SLC2A14: variants seen among roughly 807,000 people sequenced by gnomAD.
SLC2A14 encodes the protein solute carrier family 2, facilitated glucose transporter member 14.
In SLC2A14, 13 loss-of-function variants were observed where a neutral mutation model predicts 43.0. The observed-to-expected ratio is 0.30, with a 90% CI of 0.20 to 0.48. The LOEUF is 0.48. Among genes scored for constraint, SLC2A14 ranks in the 20% least tolerant of loss-of-function variants. The probability of loss-of-function intolerance (pLI) is 0.99; values close to 1 mark genes in which losing one functional copy is unlikely to be tolerated. For synonymous variants in SLC2A14, 190 were observed against 233.8 expected (o/e 0.81, Z 1.71); for missense variants, 428 against 620.4 (o/e 0.69, Z 3.29).
chr12:7,887,558 CAGATAGATAGATAGATAGATAGATAGAT>C (rs58618647), intron 1 of SLC2A14, among the ~76,000 whole-genome samples: 2 of 148,424 alleles, frequency 1.3e-5, no homozygotes, highest in Admixed American at 6.9e-5. Context: ...GTAGATAAAT[CAGATAGATAGATAGATAGATAGATAGAT>C]AGATAGATAG....
At position 7,832,709 on chromosome 12, in the gene SLC2A14, G is replaced by C. The variant is rs762951842; in HGVS notation, c.111+13C>G. 1.5e-5 allele frequency: 24 copies of C among 1,611,760 alleles called. No homozygotes were observed. The Admixed American group carries it at 3.2e-4, about 21-fold the overall frequency. On this transcript the variant is annotated intron_variant, in intron 3 of 10. Coordinates refer to ENST00000431042, the MANE Select transcript of SLC2A14 (RefSeq NM_001286234.2). ...CCTATTCCAGATTCTAATTCTTGTG[G>C]CCTGGCACTCACCGTCTCAGGAGCA...
intron 2 of SLC2A14, 106 bp from the exon 3 acceptor site, chr12:7,832,920 T>A (rs1234136026): frequency 9.0e-7 from 1 of 1,109,494 alleles, no homozygotes; most frequent in Non-Finnish European, 1.3e-6. Flanking sequence ...GACCTATGAG[T>A]GGTATGAAAA....
At chr12:7,869,006 TG>T (rs1198196918) in intron 2 of SLC2A14, among the ~76,000 whole-genome samples, 1 of 151,814 alleles carries the variant, frequency 6.6e-6, no homozygotes, top group Non-Finnish European at 1.5e-5. Context: ...TAGCCGGGCA[TG>T]GTGGCTCATG....
intron 1 of SLC2A14, among the ~76,000 whole-genome samples, chr12:7,885,485 ACT>A (rs1200476434): frequency 6.6e-6 from 1 of 151,640 alleles, no homozygotes; most frequent in Non-Finnish European, 1.5e-5. Flanking sequence ...AGTTCTTGTA[ACT>A]CTCCAATTTT....
intron 2 of SLC2A14, among the ~76,000 whole-genome samples, chr12:7,838,741 G>A (rs1341516913): frequency 1.3e-5 from 2 of 152,154 alleles, no homozygotes; most frequent in Non-Finnish European, 2.9e-5. Context: ...CATTTTGGGG[G>A]GCCAGAGGGC....
intron 2 of SLC2A14, among the ~76,000 whole-genome samples, chr12:7,853,429 CAAAA>C (rs35414391): frequency 3.5e-5 from 3 of 84,618 alleles, no homozygotes; most frequent in East Asian, 3.1e-4. Context: ...GACTCCATTT[CAAAA>C]AAAAAAAAAA....
At chr12:7,841,801 T>C (rs933888106) in intron 2 of SLC2A14, among the ~76,000 whole-genome samples, 2 of 151,548 alleles carry the variant, frequency 1.3e-5, no homozygotes, top group African/African-American at 2.4e-5. Flanking sequence ...AGGTCAGGAG[T>C]TCGACACCAG....
chr12:7,839,854 G>A (rs1005108442), intron 2 of SLC2A14: 9 of 445,896 alleles, frequency 2.0e-5, no homozygotes, highest in Middle Eastern at 6.3e-4. Context: ...CGGGAGGATC[G>A]CTTGAGTCCA....
upstream of SLC2A14, chr12:7,873,323 G>T (rs1226407540): frequency 1.0e-6 from 1 of 985,438 alleles, no homozygotes; most frequent in Non-Finnish European, 1.2e-6. Context: ...GCTGGGCTGG[G>T]AAGGCCCAGG....
chr12:7,859,559 G>A (rs1944433266), intron 2 of SLC2A14, among the ~76,000 whole-genome samples: 1 of 152,116 alleles, frequency 6.6e-6, no homozygotes, highest in South Asian at 2.1e-4. Context: ...AAGATGATTG[G>A]AAATGAGTGG....
At chr12:7,855,147 C>T (rs1383067401) in intron 2 of SLC2A14, among the ~76,000 whole-genome samples, 2 of 151,994 alleles carry the variant, frequency 1.3e-5, no homozygotes, top group African/African-American at 4.8e-5. Context: ...AATCAATGAG[C>T]ATCATCTGTC....
At chr12:7,855,713 C>G (rs945047453) in intron 2 of SLC2A14, among the ~76,000 whole-genome samples, 4 of 152,068 alleles carry the variant, frequency 2.6e-5, no homozygotes, top group African/African-American at 9.7e-5. Flanking sequence ...CTTCAGCTCA[C>G]TGCAACCTCC....
chr12:7,859,115 G>A (rs1036712446), intron 2 of SLC2A14, among the ~76,000 whole-genome samples: 3 of 152,092 alleles, frequency 2.0e-5, no homozygotes, highest in East Asian at 1.9e-4. Flanking sequence ...CAGGCTGGGC[G>A]TGATGGCTGG....
intron 1 of SLC2A14, among the ~76,000 whole-genome samples, chr12:7,887,609 ATAGT>A (rs879482041): frequency 2.3e-3 from 272 of 116,216 alleles, no homozygotes; most frequent in East Asian, 7.7e-3. Flanking sequence ...AGATAGATAG[ATAGT>A]TAGATAGATA....
Position 7,837,685 on chromosome 12 carries a change from CTT to C in SLC2A14, c.19-4873_19-4872del, listed in dbSNP as rs57484495. 3.0e-3 allele frequency among the ~76,000 whole-genome samples: 340 copies of C among 112,452 alleles called. 1 individual carries two copies. The highest frequency in any genetic ancestry group is 7.1e-3 in the African/African-American group (209 of 29,630). The allele number at this position is 112,452 out of a possible 152,430, so 73.8% of individuals were successfully genotyped here. A position where few individuals can be genotyped will look rare whatever the true frequency, so the allele number is the denominator to read the frequency against. ...GGTTCACATGGTAACCATTTTTCTT[CTT>C]TTTTTTTTTTTGAGATGAAGTCTCA... On this transcript the variant is annotated intron_variant, in intron 2 of 10. Transcript: ENST00000431042.
At chr12:7,814,673 G>A in intron 10 of SLC2A14, 139 bp from the exon 11 acceptor site, 2 of 955,324 alleles carry the variant, frequency 2.1e-6, no homozygotes, top group African/African-American at 1.6e-5. Context: ...GGTTTCTTCA[G>A]AGATTTACTT....
intron 2 of SLC2A14, among the ~76,000 whole-genome samples, chr12:7,862,924 C>G (rs2110092): frequency 0.27 from 40,974 of 151,892 alleles, 5,999 homozygotes; most frequent in Middle Eastern, 0.35. Flanking sequence ...ACCAATCAGC[C>G]CCCTGACAAA....
chr12:7,888,689 T>C (rs1345568519), intron 1 of SLC2A14, among the ~76,000 whole-genome samples: 1 of 151,302 alleles, frequency 6.6e-6, no homozygotes, highest in Non-Finnish European at 1.5e-5. Context: ...TCTCAGCTGC[T>C]CCGGAGGCTG....
intron 5 of SLC2A14, among the ~76,000 whole-genome samples, chr12:7,829,316 T>C (rs771463760): frequency 6.1e-4 from 93 of 152,146 alleles, no homozygotes; most frequent in Admixed American, 6.1e-3. Flanking sequence ...ACCCAGAATT[T>C]TGGGAGGCCG....
Sources: allele counts gnomAD v4.1 joint callset (sites outside exome capture counted in the v4.1 genomes callset), GRCh38; gene constraint gnomAD v4.1.1; transcripts MANE v1.5; gene names NCBI Gene and HGNC (gene_info 2026-07-23, HGNC 2026-07-21).